The following TMEM217B variants were observed in gnomAD, a reference collection of about 807,000 sequenced individuals.
The protein encoded by TMEM217B is putative transmembrane protein 217B.
At chr6:37,212,857 A>C in the TMEM217B span, 2 of 1,345,924 alleles carry the variant, frequency 1.5e-6, no homozygotes, top group Non-Finnish European at 2.1e-6. Context: ...GTAGATGCTG[A>C]ACTTGGCCTC....
the TMEM217B span, among the ~76,000 whole-genome samples, chr6:37,227,509 C>T: frequency 2.6e-5 from 4 of 152,066 alleles, no homozygotes; most frequent in South Asian, 2.1e-4. Flanking sequence ...TGTAGTGGCG[C>T]GATCTTGGCT....
At chr6:37,222,824 G>C in the TMEM217B span, among the ~76,000 whole-genome samples, 227 of 152,308 alleles carry the variant, frequency 1.5e-3, no homozygotes, top group Non-Finnish European at 2.0e-3. Context: ...AGAAGGGGCC[G>C]GGCTTCCACC....
the TMEM217B span, among the ~76,000 whole-genome samples, chr6:37,226,265 GT>G: frequency 4.0e-5 from 3 of 75,168 alleles, no homozygotes; most frequent in African/African-American, 1.4e-4. Context: ...GTTTTATTTT[GT>G]TTTTTTGAGA....
the TMEM217B span, among the ~76,000 whole-genome samples, chr6:37,224,470 C>T: frequency 6.6e-6 from 1 of 151,516 alleles, no homozygotes; most frequent in Non-Finnish European, 1.5e-5. Context: ...TGGTGGCGGG[C>T]ACCTGTGGTC....
the TMEM217B span, among the ~76,000 whole-genome samples, chr6:37,249,865 T>C: frequency 0.032 from 4,864 of 152,322 alleles, 247 homozygotes; most frequent in African/African-American, 0.11. Flanking sequence ...GTTGAACTTA[T>C]GCATACACTC....
the TMEM217B span, among the ~76,000 whole-genome samples, chr6:37,220,949 AAT>A: frequency 6.6e-6 from 1 of 152,050 alleles, no homozygotes; most frequent in African/African-American, 2.4e-5. Flanking sequence ...AGATATATAT[AAT>A]ATATATACAA....
the TMEM217B span, among the ~76,000 whole-genome samples, chr6:37,244,465 C>T: frequency 2.0e-4 from 31 of 152,356 alleles, no homozygotes; most frequent in Middle Eastern, 6.8e-3. Context: ...CAACTGCCTC[C>T]AATCCTTGGC....
the TMEM217B span, among the ~76,000 whole-genome samples, chr6:37,227,261 A>G: frequency 1.2e-4 from 18 of 152,162 alleles, no homozygotes; most frequent in African/African-American, 3.9e-4. Flanking sequence ...AGTGTTGGCA[A>G]TTCTTCCTCC....
At chr6:37,230,439 C>G in the TMEM217B span, among the ~76,000 whole-genome samples, 1 of 152,098 alleles carries the variant, frequency 6.6e-6, no homozygotes, top group Non-Finnish European at 1.5e-5. Flanking sequence ...CGCAGCACTG[C>G]AGAATGTGAC....
chr6:37,216,800 G>A, the TMEM217B span, among the ~76,000 whole-genome samples: 1 of 152,176 alleles, frequency 6.6e-6, no homozygotes, highest in African/African-American at 2.4e-5. Context: ...AATGGAATAA[G>A]TGACCTTATA....
chr6:37,229,225 T>A, the TMEM217B span, among the ~76,000 whole-genome samples: 5 of 151,758 alleles, frequency 3.3e-5, no homozygotes, highest in Middle Eastern at 3.4e-3. Flanking sequence ...TACTAACAAC[T>A]ATTCAGCATT....
At chr6:37,217,897 GT>G in the TMEM217B span, 1 of 985,912 alleles carries the variant, frequency 1.0e-6, no homozygotes, top group Non-Finnish European at 1.2e-6. Context: ...CAATCAGGTG[GT>G]AGAAAGGTGA....
the TMEM217B span, among the ~76,000 whole-genome samples, chr6:37,225,648 T>G: frequency 6.6e-6 from 1 of 152,242 alleles, no homozygotes; most frequent in Non-Finnish European, 1.5e-5. Context: ...ATTAAAATTT[T>G]GGGTTCCCAT....
the TMEM217B span, among the ~76,000 whole-genome samples, chr6:37,246,956 C>T: frequency 1.3e-5 from 2 of 151,828 alleles, no homozygotes; most frequent in Non-Finnish European, 2.9e-5. Flanking sequence ...TGCCGGGTCC[C>T]GCAGTACCTA....
the TMEM217B span, chr6:37,215,115 T>C: frequency 6.4e-7 from 1 of 1,568,790 alleles, no homozygotes; most frequent in Middle Eastern, 1.8e-4. Context: ...CACCTCTCTC[T>C]TGGGTCACTA....
At chr6:37,234,438 A>T in the TMEM217B span, among the ~76,000 whole-genome samples, 8 of 152,272 alleles carry the variant, frequency 5.3e-5, no homozygotes, top group Admixed American at 3.9e-4. Flanking sequence ...TTTTCAACTT[A>T]TGGGTTTATT....
chr6:37,225,098 G>A, the TMEM217B span, among the ~76,000 whole-genome samples: 2 of 151,970 alleles, frequency 1.3e-5, no homozygotes, highest in African/African-American at 4.8e-5. Context: ...TACTCCGGAG[G>A]CTGAGGTATG....
chr6:37,245,292 A>G, the TMEM217B span, among the ~76,000 whole-genome samples: 1 of 152,252 alleles, frequency 6.6e-6, no homozygotes, highest in Non-Finnish European at 1.5e-5. Context: ...GCTAATGAGC[A>G]TTTGACTCCA....
the TMEM217B span, among the ~76,000 whole-genome samples, chr6:37,222,257 G>T: frequency 1.3e-5 from 2 of 152,332 alleles, no homozygotes; most frequent in African/African-American, 4.8e-5. Context: ...TGAGGGTGGG[G>T]CCTTACTGAG....
Sources: gnomAD v4.1 joint callset for allele counts (sites outside exome capture counted in the v4.1 genomes callset) on GRCh38, gnomAD v4.1.1 for gene constraint, MANE v1.5 for transcripts, NCBI Gene and HGNC (gene_info 2026-07-23, HGNC 2026-07-21) for gene names.